DMD: variants seen among roughly 807,000 people sequenced by gnomAD.
The protein encoded by DMD is dystrophin, also known as mutant dystrophin.
A neutral mutation model predicts 330.1 loss-of-function variants in DMD; 63 were observed. The ratio of observed to expected loss-of-function variants is 0.19; its 90% CI spans 0.16 to 0.24. DMD has a LOEUF of 0.24. DMD is among the 10% of genes least tolerant of loss of function. The pLI, the probability that DMD is intolerant of heterozygous loss-of-function variation, is 1.00. For synonymous variants in DMD, 1,223 were observed against 959.8 expected (o/e 1.27, Z -5.07); for missense variants, 3,344 against 2,684.1 (o/e 1.25, Z -5.43).
chrX:31,545,461 C>T (rs2074092310), intron 55 of DMD, among the ~76,000 whole-genome samples: 1 of 112,333 alleles, frequency 8.9e-6, no homozygotes, highest in Non-Finnish European at 1.9e-5. Flanking sequence ...AAATCATTTT[C>T]CTTATGCTGT....
intron 2 of DMD, among the ~76,000 whole-genome samples, chrX:32,898,303 G>A (rs1402083238): frequency 8.9e-6 from 1 of 111,914 alleles, no homozygotes; most frequent in Non-Finnish European, 1.9e-5. Context: ...GATTTGAACT[G>A]GTAGCCATTG....
rs867044300 is a variant in DMD at position 31,833,309 on chromosome X, G to A, written c.7200+3409C>T. Among the ~76,000 whole-genome samples the A allele has an allele frequency of 2.3e-3, 116 of 49,849 alleles. 2 individuals are homozygous for A. The highest frequency in any genetic ancestry group is 8.8e-3 in the Middle Eastern group (1 of 113). The allele number at this position is 49,849 out of a possible 115,157, so 43.3% of individuals were successfully genotyped here. ...GAGAGAGAGGGAGAGAGGGAGAGAGGGAGAGAGGGAGAGAGGGAGAGAGGG... is the reference window on the plus strand; with the variant it reads ...GAGAGAGAGGGAGAGAGGGAGAGAGAGAGAGAGGGAGAGAGGGAGAGAGGG... On this transcript the variant is annotated intron_variant, in intron 49 of 78. Coordinates refer to ENST00000357033, the MANE Select transcript of DMD (RefSeq NM_004006.3).
intron 1 of DMD, among the ~76,000 whole-genome samples, chrX:33,295,708 A>C (rs1414579981): frequency 9.0e-6 from 1 of 111,472 alleles, no homozygotes. Context: ...AAACATCCTG[A>C]CAATTGCGGT....
intron 2 of DMD, among the ~76,000 whole-genome samples, chrX:32,932,510 G>A (rs1256522958): frequency 1.8e-5 from 2 of 111,350 alleles, no homozygotes; most frequent in Non-Finnish European, 3.8e-5. Context: ...TATAGTTTAC[G>A]CCAGACCTCT....
intron 44 of DMD, among the ~76,000 whole-genome samples, chrX:32,063,579 AC>A (rs1415788270): frequency 2.7e-5 from 3 of 111,547 alleles, no homozygotes; most frequent in Non-Finnish European, 5.7e-5. Flanking sequence ...CTAGGATTCC[AC>A]GCACAAAAGG....
intron 2 of DMD, among the ~76,000 whole-genome samples, chrX:33,002,656 C>T (rs768430006): frequency 9.1e-6 from 1 of 109,605 alleles, no homozygotes; most frequent in Admixed American, 9.7e-5. Context: ...TTGGGAACAG[C>T]CAATTTCCCA....
At chrX:32,216,464 G>C (rs770169806) in intron 44 of DMD, among the ~76,000 whole-genome samples, 4 of 111,938 alleles carry the variant, frequency 3.6e-5, no homozygotes, top group African/African-American at 9.7e-5. Flanking sequence ...AGAATATATA[G>C]AAATATTGCT....
At chrX:32,371,741 T>C (rs1295086869) in intron 34 of DMD, among the ~76,000 whole-genome samples, 4 of 111,278 alleles carry the variant, frequency 3.6e-5, no homozygotes, top group African/African-American at 1.3e-4. Context: ...TAATGGGATG[T>C]TCAGATTGAT....
At chrX:33,288,165 C>T (rs1030837904) in intron 1 of DMD, among the ~76,000 whole-genome samples, 4 of 111,382 alleles carry the variant, frequency 3.6e-5, no homozygotes, top group Non-Finnish European at 7.5e-5. Flanking sequence ...CAAATTCTTT[C>T]GAAGTGGTGA....
rs905571950 is a variant in DMD at position 32,346,011 on chromosome X, C to G, written c.5518G>C (p.Asp1840His). 22 of 1,207,628 alleles carry G rather than the reference C, an allele frequency of 1.8e-5. No individual in the cohort carries two copies. Among genetic ancestry groups the G allele is most frequent in the Non-Finnish European group, 2.5e-5 (22 of 893,752 alleles). Residue 1840 changes from aspartate (D) to histidine (H), a missense_variant, in exon 39 of 79, where the codon GAT becomes CAT. Physicochemically the swap from Asp to His is moderately conservative, Grantham distance 81. Transcript: ENST00000357033. ...TTTATTTCCTCTCGCTTTCTCTCAT[C>G]TGTGATTCTTTGTTGTAAGTTGTCT... ...RGDNLQQRIT[D>H]ERKREEIKIK...
chrX:32,394,922 A>AAAAAACAAAAAAAAAAAAAAAAAAAAC (rs1557326757), intron 30 of DMD, among the ~76,000 whole-genome samples: 1 of 22,279 alleles, frequency 4.5e-5, no homozygotes, highest in African/African-American at 1.3e-4. Flanking sequence ...AAAACAAAAA[A>AAAAAACAAAAAAAAAAAAAAAAAAAAC]AAAAAAAAAA....
intron 1 of DMD, among the ~76,000 whole-genome samples, chrX:33,129,325 CTTTTTT>C (rs58505662): frequency 2.0e-4 from 6 of 30,718 alleles, no homozygotes; most frequent in Middle Eastern, 0.048. Flanking sequence ...TTAAGGTTTG[CTTTTTT>C]TTTTTTTTTT....
chrX:32,843,707 A>G (rs1019461518), intron 4 of DMD, among the ~76,000 whole-genome samples: 13 of 111,692 alleles, frequency 1.2e-4, no homozygotes, highest in Non-Finnish European at 3.8e-5. Flanking sequence ...GTAATTAGGG[A>G]GCTACTAAGT....
chrX:32,024,257 G>C (rs1008184084), intron 44 of DMD, among the ~76,000 whole-genome samples: 1 of 110,874 alleles, frequency 9.0e-6, no homozygotes. Context: ...GGCCAAGGCG[G>C]GCGGACTGCC....
At chrX:32,677,751 C>G (rs1402164713) in intron 9 of DMD, among the ~76,000 whole-genome samples, 1 of 111,454 alleles carries the variant, frequency 9.0e-6, no homozygotes, top group Non-Finnish European at 1.9e-5. Context: ...TATTATGAAG[C>G]CATTTTATCA....
At chrX:31,453,001 A>G (rs927094109) in intron 59 of DMD, among the ~76,000 whole-genome samples, 1 of 112,402 alleles carries the variant, frequency 8.9e-6, no homozygotes, top group African/African-American at 3.2e-5. Context: ...CAATAGCAAG[A>G]AAACAAATCA....
chrX:31,377,080 T>G (rs2733453), intron 60 of DMD, among the ~76,000 whole-genome samples: 49,931 of 110,730 alleles, frequency 0.45, 8,035 homozygotes, highest in South Asian at 0.61. Flanking sequence ...AAAAAATACT[T>G]AAAGTCTGGC....
intron 49 of DMD, among the ~76,000 whole-genome samples, chrX:31,826,359 C>A (rs981158690): frequency 2.7e-5 from 3 of 112,288 alleles, no homozygotes; most frequent in African/African-American, 9.7e-5. Flanking sequence ...TAATTATTAG[C>A]AAATACTTAT....
intron 9 of DMD, among the ~76,000 whole-genome samples, chrX:32,654,462 G>C (rs1222258263): frequency 8.9e-6 from 1 of 111,801 alleles, no homozygotes; most frequent in Non-Finnish European, 1.9e-5. Context: ...TTATTGATTT[G>C]TGTGTGTTGA....
Sources: allele counts gnomAD v4.1 joint callset (sites outside exome capture counted in the v4.1 genomes callset), GRCh38; gene constraint gnomAD v4.1.1; transcripts MANE v1.5; gene names NCBI Gene and HGNC (gene_info 2026-07-23, HGNC 2026-07-21).